DENND1A: variants seen among roughly 807,000 people sequenced by gnomAD.
DENND1A encodes the protein DENN domain containing 1A, also known as DENN domain-containing protein 1A.
Under a neutral mutation model 113.7 loss-of-function variants are expected in DENND1A, and 51 were observed. The ratio of observed to expected loss-of-function variants is 0.45; its 90% CI spans 0.36 to 0.57. The LOEUF (loss-of-function observed/expected upper bound fraction) is 0.57. Ranked by LOEUF, DENND1A falls within the 20% of genes least tolerant of loss-of-function variation. DENND1A has a pLI of 0.00. For missense variants in DENND1A, 1,258 were observed against 1,395.9 expected (o/e 0.90, Z 1.57); for synonymous variants, 565 against 570.8 (o/e 0.99, Z 0.14).
chr9:123,434,340 C>T (rs540736834), intron 19 of DENND1A, among the ~76,000 whole-genome samples: 1 of 152,224 alleles, frequency 6.6e-6, no homozygotes, highest in Non-Finnish European at 1.5e-5. Context: ...CTTCAAAATC[C>T]TTCTTTATGG....
chr9:123,720,464 C>T (rs1228321233), intron 5 of DENND1A, among the ~76,000 whole-genome samples: 2 of 152,116 alleles, frequency 1.3e-5, no homozygotes, highest in Non-Finnish European at 2.9e-5. Context: ...AATAGGCCTG[C>T]GACTTCAAAT....
chr9:123,598,702 T>C (rs1177974399), intron 11 of DENND1A, among the ~76,000 whole-genome samples: 1 of 152,202 alleles, frequency 6.6e-6, no homozygotes, highest in Admixed American at 6.5e-5. Flanking sequence ...CTTTCTTTTT[T>C]TTCCCCCTTC....
chr9:123,587,083 G>C (rs1194509475), intron 11 of DENND1A, among the ~76,000 whole-genome samples: 1 of 151,642 alleles, frequency 6.6e-6, no homozygotes, highest in East Asian at 1.9e-4. Flanking sequence ...CCAGCTTCTG[G>C]TCCTGCGGTG....
At chr9:123,442,575 G>T (rs1228213262) in intron 18 of DENND1A, among the ~76,000 whole-genome samples, 1 of 152,010 alleles carries the variant, frequency 6.6e-6, no homozygotes, top group African/African-American at 2.4e-5. Flanking sequence ...TTGTGCGTGG[G>T]TGTGTGTGCC....
intron 13 of DENND1A, among the ~76,000 whole-genome samples, chr9:123,531,628 TATAAA>T (rs1192441370): frequency 1.3e-5 from 2 of 151,114 alleles, no homozygotes; most frequent in African/African-American, 4.9e-5. Context: ...GTGTTTTACA[TATAAA>T]ATGTCTTCCT....
chr9:123,550,097 C>T (rs1333488450), intron 13 of DENND1A, among the ~76,000 whole-genome samples: 1 of 152,210 alleles, frequency 6.6e-6, no homozygotes, highest in African/African-American at 2.4e-5. Flanking sequence ...TCAACTTCTG[C>T]GTCCTCCAGG....
chr9:123,742,099 T>C (rs1480123876), intron 5 of DENND1A, among the ~76,000 whole-genome samples: 1 of 152,198 alleles, frequency 6.6e-6, no homozygotes. Flanking sequence ...CCAACGCTGT[T>C]TGTCCCCTCG....
intron 1 of DENND1A, among the ~76,000 whole-genome samples, chr9:123,887,557 T>C (rs1274257236): frequency 6.8e-6 from 1 of 146,348 alleles, no homozygotes; most frequent in Non-Finnish European, 1.5e-5. Context: ...CTGCAGAGGG[T>C]GAGGAGCATG....
At chr9:123,879,078 C>T (rs1847943213) in intron 1 of DENND1A, 57 bp from the exon 2 acceptor site, 4 of 1,549,892 alleles carry the variant, frequency 2.6e-6, no homozygotes, top group Non-Finnish European at 2.7e-6. Flanking sequence ...TGGTATAGAA[C>T]ATGTGGGCTA....
At chr9:123,434,899 G>A (rs938868986) in intron 19 of DENND1A, among the ~76,000 whole-genome samples, 3 of 152,220 alleles carry the variant, frequency 2.0e-5, no homozygotes, top group African/African-American at 4.8e-5. Flanking sequence ...TACCAGTTAG[G>A]AGCCTGTGAA....
chr9:123,922,838 T>C (rs944669597), intron 1 of DENND1A, among the ~76,000 whole-genome samples: 1 of 152,240 alleles, frequency 6.6e-6, no homozygotes, highest in Non-Finnish European at 1.5e-5. Flanking sequence ...AATGAACTTT[T>C]GGAATGTCAC....
intron 12 of DENND1A, among the ~76,000 whole-genome samples, chr9:123,566,063 A>G (rs2058037408): frequency 6.6e-6 from 1 of 152,208 alleles, no homozygotes; most frequent in Admixed American, 6.5e-5. Flanking sequence ...CCAGTTCCAC[A>G]TCACACTGAC....
intron 11 of DENND1A, 53 bp downstream of exon 11, chr9:123,609,383 A>G: frequency 6.3e-7 from 1 of 1,594,774 alleles, no homozygotes. Context: ...ACCGCCACAC[A>G]ATGAAACAAA....
rs1446165830 is a variant in DENND1A at position 123,813,635 on chromosome 9, G to GA, written c.89-21006dup. On this transcript the variant is annotated intron_variant, in intron 2 of 23. Transcript: ENST00000394215. ...TACTGAGTCGGCTTTACTTAGACCC[G>GA]AAAAAAAAGATCTGCGTTCACAATT... Among the ~76,000 whole-genome samples, 9 of 151,482 alleles carry GA rather than the reference G, an allele frequency of 5.9e-5. No individual in the cohort carries two copies. The East Asian group carries it at 1.2e-3, about 20-fold the overall frequency.
At chr9:123,476,061 T>TA (rs1193978792) in intron 13 of DENND1A, among the ~76,000 whole-genome samples, 1 of 152,086 alleles carries the variant, frequency 6.6e-6, no homozygotes, top group Non-Finnish European at 1.5e-5. Flanking sequence ...GGTGTACTCC[T>TA]GTAATCCCAG....
At chr9:123,539,359 G>A (rs1296115888) in intron 13 of DENND1A, among the ~76,000 whole-genome samples, 1 of 152,166 alleles carries the variant, frequency 6.6e-6, no homozygotes, top group Non-Finnish European at 1.5e-5. Context: ...AATGAAAGGG[G>A]TGGAGGAGGA....
chr9:123,561,081 C>T (rs1324392237), intron 12 of DENND1A, among the ~76,000 whole-genome samples: 5 of 152,238 alleles, frequency 3.3e-5, no homozygotes, highest in Non-Finnish European at 4.4e-5. Context: ...AGTGACATTT[C>T]CATCCTTTGA....
chr9:123,454,396 G>C (rs551581644), intron 16 of DENND1A, among the ~76,000 whole-genome samples: 1 of 152,332 alleles, frequency 6.6e-6, no homozygotes, highest in South Asian at 2.1e-4. Context: ...TTACACAGCA[G>C]CAATTTTTGG....
chr9:123,814,623 T>C (rs944998507), intron 2 of DENND1A, among the ~76,000 whole-genome samples: 1 of 152,178 alleles, frequency 6.6e-6, no homozygotes, highest in African/African-American at 2.4e-5. Flanking sequence ...CTCATTGTTA[T>C]ATAGGTTGTC....
Sources: allele counts gnomAD v4.1 joint callset (sites outside exome capture counted in the v4.1 genomes callset), GRCh38; gene constraint gnomAD v4.1.1; transcripts MANE v1.5; gene names NCBI Gene and HGNC (gene_info 2026-07-23, HGNC 2026-07-21).